The following ZNF331 variants were observed in gnomAD, a reference collection of about 807,000 sequenced individuals.
ZNF331 encodes the protein zinc finger protein 331.
Under a neutral mutation model 7.0 loss-of-function variants are expected in ZNF331, and 2 were observed. That is an observed-to-expected ratio of 0.29 (90% CI 0.12 to 0.90). The LOEUF is 0.90. Ranked by LOEUF, ZNF331 falls within the 40% of genes least tolerant of loss-of-function variation. The pLI is 0.58. For missense variants in ZNF331, 432 were observed against 587.7 expected (o/e 0.74, Z 2.74); for synonymous variants, 196 against 205.4 (o/e 0.95, Z 0.39).
intron 2 of ZNF331, among the ~76,000 whole-genome samples, chr19:53,526,917 C>T (rs538972174): frequency 9.9e-5 from 15 of 151,766 alleles, no homozygotes; most frequent in Non-Finnish European, 1.3e-4. Context: ...ACTTGCTGGG[C>T]GCAGTGCCTC....
intron 2 of ZNF331, among the ~76,000 whole-genome samples, chr19:53,526,958 A>C (rs1204438539): frequency 6.6e-6 from 1 of 151,360 alleles, no homozygotes; most frequent in African/African-American, 2.4e-5. Flanking sequence ...TAGGAGGCCA[A>C]GGCAGGCGGA....
chr19:53,510,140 G>A, the ZNF331 span, among the ~76,000 whole-genome samples: 2 of 152,210 alleles, frequency 1.3e-5, no homozygotes, highest in South Asian at 4.1e-4. Flanking sequence ...TGTCCTATGT[G>A]ATGGAACATC....
chr19:53,509,657 G>A, the ZNF331 span, among the ~76,000 whole-genome samples: 14 of 152,164 alleles, frequency 9.2e-5, no homozygotes, highest in Non-Finnish European at 1.5e-4. Flanking sequence ...AGCCACTTCC[G>A]AGGTCAGATT....
At chr19:53,543,074 G>T (rs1213332564) in intron 2 of ZNF331, among the ~76,000 whole-genome samples, 1 of 152,124 alleles carries the variant, frequency 6.6e-6, no homozygotes, top group African/African-American at 2.4e-5. Context: ...CTCCGAAAGT[G>T]CTGGGATTAC....
At chr19:53,556,623 C>A (rs892384038) in intron 3 of ZNF331, among the ~76,000 whole-genome samples, 1 of 151,648 alleles carries the variant, frequency 6.6e-6, no homozygotes, top group South Asian at 2.1e-4. Context: ...CCATGTTGGG[C>A]CTTTTTTATT....
chr19:53,547,588 T>C (rs751038966), intron 2 of ZNF331, among the ~76,000 whole-genome samples: 4 of 152,258 alleles, frequency 2.6e-5, no homozygotes, highest in Non-Finnish European at 5.9e-5. Flanking sequence ...TTTAGTTTTT[T>C]CAGGCATCTC....
chr19:53,506,246 A>G, the ZNF331 span, among the ~76,000 whole-genome samples: 4 of 127,566 alleles, frequency 3.1e-5, no homozygotes, highest in Middle Eastern at 4.1e-3. Context: ...GAGGCAGGAG[A>G]ATGGCGTGAA....
intron 3 of ZNF331, among the ~76,000 whole-genome samples, chr19:53,556,969 CTCTTTTT>C (rs1238356750): frequency 3.4e-5 from 4 of 117,296 alleles, no homozygotes; most frequent in Middle Eastern, 5.0e-3. Flanking sequence ...CCACACCTGG[CTCTTTTT>C]TTTTTTTTTT....
At chr19:53,506,454 C>CTCTCTCTCTCTCTCTG in the ZNF331 span, among the ~76,000 whole-genome samples, 2 of 100,790 alleles carry the variant, frequency 2.0e-5, no homozygotes, top group Non-Finnish European at 4.1e-5. Flanking sequence ...GTCTCTCTCT[C>CTCTCTCTCTCTCTCTG]TCTCTCTCTC....
chr19:53,513,004 C>T, the ZNF331 span, among the ~76,000 whole-genome samples: 3 of 151,794 alleles, frequency 2.0e-5, no homozygotes, highest in Non-Finnish European at 4.4e-5. Context: ...GCATCAGAAT[C>T]GTTCCCACGG....
chr19:53,514,685 C>CTG (rs373394989), upstream of ZNF331, among the ~76,000 whole-genome samples: 41,197 of 134,018 alleles, frequency 0.31, 7,161 homozygotes, highest in Middle Eastern at 0.41. Context: ...GAGTTTCACA[C>CTG]TGTCGCCCAG....
At chr19:53,515,756 C>G (rs539927793), upstream of ZNF331, among the ~76,000 whole-genome samples, 121 of 152,268 alleles carry the variant, frequency 7.9e-4, no homozygotes, top group Non-Finnish European at 1.6e-3. Context: ...CTCGGCCTCC[C>G]AAAGTACTGG....
rs370026832 is a variant in ZNF331 at position 53,569,261 on chromosome 19, C to T, written c.-73-43C>T. 4 of 1,123,664 alleles carry T rather than the reference C, an allele frequency of 3.6e-6. No individual in the cohort carries two copies. In the African/African-American group the frequency reaches 6.2e-5, roughly 17 times the overall value. 69.6% of individuals were successfully genotyped at this position (1,123,664 alleles called of 1,614,324 possible). A position where few individuals can be genotyped will look rare whatever the true frequency, so the allele number is the denominator to read the frequency against. The stretch of plus-strand genomic sequence containing the variant: ...AGGTCATATTACATCACTATGGGGA[C>T]CCCAGATGCACCTCGTTTTAATCTC... On this transcript the variant is annotated intron_variant, in intron 3 of 5. Transcript: ENST00000449416.
At chr19:53,532,342 C>A (rs1376699949) in intron 2 of ZNF331, among the ~76,000 whole-genome samples, 1 of 152,076 alleles carries the variant, frequency 6.6e-6, no homozygotes, top group African/African-American at 2.4e-5. Flanking sequence ...TGCAGGTGGA[C>A]CTTTCTATGC....
At chr19:53,524,526 A>AT (rs1456829542) in intron 2 of ZNF331, among the ~76,000 whole-genome samples, 2 of 151,996 alleles carry the variant, frequency 1.3e-5, no homozygotes, top group Admixed American at 6.6e-5. Flanking sequence ...GATGATGAGC[A>AT]TTTTTTCATG....
At chr19:53,511,346 C>T in the ZNF331 span, among the ~76,000 whole-genome samples, 834 of 151,864 alleles carry the variant, frequency 5.5e-3, 2 homozygotes, top group Non-Finnish European at 7.7e-3. Context: ...ATTGCATTAT[C>T]GCAGTGTAAA....
intron 3 of ZNF331, among the ~76,000 whole-genome samples, chr19:53,566,952 CAT>C (rs1183329908): frequency 1.3e-5 from 2 of 151,928 alleles, no homozygotes; most frequent in Non-Finnish European, 2.9e-5. Context: ...CCTCTCTCTC[CAT>C]ATATATACAT....
chr19:53,511,207 T>C, the ZNF331 span, among the ~76,000 whole-genome samples: 1 of 152,114 alleles, frequency 6.6e-6, no homozygotes, highest in African/African-American at 2.4e-5. Flanking sequence ...ATCTAAAGTA[T>C]AAAATACTTA....
chr19:53,571,564 T>C lies in ZNF331; in HGVS notation c.10-40T>C, dbSNP rs752222050. On this transcript the variant is annotated intron_variant, in intron 4 of 5. Transcript: ENST00000449416. This position sits in a 1 kb window ranked among gnomAD's most constrained non-coding sequence, Gnocchi z 4.7. Reference sequence around the variant, plus strand: ...CTGTCTCCTTCATCTGGAAGCTGTTTCCTTTCATTTCATCATGCACGTGTG... The same window carrying C: ...CTGTCTCCTTCATCTGGAAGCTGTTCCCTTTCATTTCATCATGCACGTGTG... 4.4e-6 allele frequency: 7 copies of C among 1,607,024 alleles called. No individual in the cohort carries two copies. Among genetic ancestry groups the C allele is most frequent in the African/African-American group, 1.3e-5 (1 of 74,852 alleles).
Sources: allele counts gnomAD v4.1 joint callset (sites outside exome capture counted in the v4.1 genomes callset), GRCh38; gene constraint gnomAD v4.1.1; non-coding constraint Gnocchi (gnomAD v3.1); transcripts MANE v1.5; gene names NCBI Gene and HGNC (gene_info 2026-07-23, HGNC 2026-07-21).